The following TP73 variants were observed in gnomAD, a reference collection of about 807,000 sequenced individuals.
TP73 encodes the protein p53-like transcription factor.
Under a neutral mutation model 62.5 loss-of-function variants are expected in TP73, and 25 were observed. The ratio of observed to expected loss-of-function variants is 0.40; its 90% confidence interval spans 0.29 to 0.56. The LOEUF (loss-of-function observed/expected upper bound fraction) is 0.56. TP73 is among the 20% of genes least tolerant of loss of function. TP73 has a pLI of 0.46. For synonymous variants in TP73, 423 were observed against 377.5 expected (o/e 1.12, Z -1.40); for missense variants, 754 against 913.3 (o/e 0.83, Z 2.25).
chr1:3,721,795 A>G (rs549468455), intron 4 of TP73, among the ~76,000 whole-genome samples: 2 of 152,150 alleles, frequency 1.3e-5, no homozygotes, highest in Non-Finnish European at 2.9e-5. Context: ...TGGAGCCCAA[A>G]TGACCCGATG....
chr1:3,681,216 G>A (rs913781179), intron 1 of TP73, among the ~76,000 whole-genome samples: 4 of 152,214 alleles, frequency 2.6e-5, no homozygotes, highest in East Asian at 1.9e-4. Context: ...CTGCACCCCC[G>A]CTGGCCGTGG....
rs771141710 is a variant in TP73, at chr1:3,731,030, G to C, written c.1449G>C (p.Pro483=). 1.9e-6 allele frequency: 3 copies of C among 1,612,260 alleles called. No individual in the cohort carries two copies. The highest frequency in any genetic ancestry group is 1.7e-5 in the Admixed American group (1 of 59,978). Residue 483 remains proline, a synonymous_variant, in exon 12 of 14, where the codon CCG becomes CCC. Coordinates refer to ENST00000378295, the MANE Select transcript of TP73 (RefSeq NM_005427.4). ...TGGTCTCGGGGTCCCACTGCACTCC[G>C]CCACCCCCCTACCACGCCGACCCCA... is the stretch of plus-strand genomic sequence containing the variant. ...QSMVSGSHCT[P]PPPYHADPSL... is the part of the protein sequence containing the mutation.
Position 3,707,594 on chromosome 1 carries a change from C to A in TP73, c.232C>A (p.Arg78Ser). ...CAGCACCATGGACCAGATGAGCAGC[C>A]GCGCGGCCTCGGCCAGCCCCTACAC... Reference protein sequence around the residue: ...LSSTMDQMSSRAASASPYTPE... With the variant: ...LSSTMDQMSSSAASASPYTPE... The change falls in exon 4 of 14, where the codon CGC (arginine) becomes AGC (serine). Residue 78 changes from arginine (R) to serine (S), a missense_variant. Arg to Ser is a moderately radical substitution (Grantham distance 110). Coordinates refer to ENST00000378295, the MANE Select transcript of TP73 (RefSeq NM_005427.4). The A allele has an allele frequency of 1.2e-6, 2 of 1,612,460 alleles. No homozygotes were observed. Among genetic ancestry groups the A allele is most frequent in the Non-Finnish European group, 8.5e-7 (1 of 1,179,704 alleles).
intron 10 of TP73, chr1:3,729,715 G>A: frequency 1.3e-6 from 1 of 779,156 alleles, no homozygotes; most frequent in Non-Finnish European, 2.2e-6. Flanking sequence ...AAGGCCAGGA[G>A]GGGTGGCCAG....
At chr1:3,707,417 A>G in intron 3 of TP73, 132 bp from the exon 4 acceptor site, 1 of 1,286,080 alleles carries the variant, frequency 7.8e-7, no homozygotes, top group Admixed American at 2.2e-5. Flanking sequence ...GATGGGGGAG[A>G]GACCCGGGGA....
rs3835399 is a variant in TP73, at chr1:3,715,466, TCAGA to T, written c.430-6551_430-6548del. ...AGGGCTGGGAGATGGAGCTTGGGGG[TCAGA>T]CAGCTATGGTCTGGGTGCTGGTCCA... On this transcript the variant is annotated intron_variant, in intron 4 of 13. Transcript: ENST00000378295. Among the ~76,000 whole-genome samples, 1,108 of 152,048 alleles carry T rather than the reference TCAGA, an allele frequency of 7.3e-3. 84 individuals are homozygous for T. In the East Asian group the frequency reaches 0.17, roughly 23 times the overall value.
At chr1:3,693,413 G>T (rs968699441) in intron 3 of TP73, among the ~76,000 whole-genome samples, 3 of 152,144 alleles carry the variant, frequency 2.0e-5, no homozygotes, top group Non-Finnish European at 4.4e-5. Context: ...CCCCTGGGTT[G>T]CAGGACACTG....
intron 3 of TP73, 91 bp downstream of exon 3, chr1:3,683,271 A>T: frequency 6.8e-7 from 1 of 1,468,070 alleles, no homozygotes; most frequent in Non-Finnish European, 9.2e-7. Context: ...GAACCAGGAG[A>T]TAGCCTCTTG....
At chr1:3,680,677 G>A (rs1182551765) in intron 1 of TP73, among the ~76,000 whole-genome samples, 1 of 152,200 alleles carries the variant, frequency 6.6e-6, no homozygotes. Context: ...ATGGGCAAGG[G>A]CGGGTTCTGC....
In TP73 at chr1:3,672,544, C is replaced by T. The variant is rs1227613006; in HGVS notation, c.-33-9789C>T. Among the ~76,000 whole-genome samples, 1 of 152,094 alleles carries T rather than the reference C, an allele frequency of 6.6e-6. No individual in the cohort carries two copies. The highest frequency in any genetic ancestry group is 1.5e-5 in the Non-Finnish European group (1 of 67,994). ...CATCACCTGTGAACACAGGTATCGA[C>T]TCAGACACCCACTCTGGCCATAAGC... On this transcript the variant is annotated intron_variant, in intron 1 of 13. Coordinates refer to ENST00000378295, the MANE Select transcript of TP73 (RefSeq NM_005427.4). This position sits in a 1 kb window ranked among gnomAD's most constrained non-coding sequence, Gnocchi z 5.3.
At chr1:3,665,258 G>A (rs1356907190) in intron 1 of TP73, among the ~76,000 whole-genome samples, 1 of 152,152 alleles carries the variant, frequency 6.6e-6, no homozygotes, top group African/African-American at 2.4e-5. Context: ...TAATTATTTG[G>A]CAGTAATGAG....
At chr1:3,692,185 A>G (rs566013212) in intron 3 of TP73, among the ~76,000 whole-genome samples, 1 of 152,148 alleles carries the variant, frequency 6.6e-6, no homozygotes, top group East Asian at 1.9e-4. Context: ...GTAGGTGCTC[A>G]CGTGTGTCCG....
At chr1:3,693,062 T>C (rs954330616) in intron 3 of TP73, among the ~76,000 whole-genome samples, 5 of 151,988 alleles carry the variant, frequency 3.3e-5, no homozygotes, top group African/African-American at 1.2e-4. Flanking sequence ...TTTTGTGTGT[T>C]AGGCTGAGTG....
At chr1:3,671,825 C>G (rs1047126925) in intron 1 of TP73, among the ~76,000 whole-genome samples, 4 of 152,168 alleles carry the variant, frequency 2.6e-5, no homozygotes, top group African/African-American at 7.2e-5. Context: ...GCAGTGGCTG[C>G]CTCTGGAAGG....
chr1:3,667,326 T>C (rs918204522), intron 1 of TP73, among the ~76,000 whole-genome samples: 1 of 152,234 alleles, frequency 6.6e-6, no homozygotes, highest in African/African-American at 2.4e-5. Flanking sequence ...GACTCTGACC[T>C]ACAGAACTGT....
At chr1:3,681,910 C>T (rs1427335066) in intron 1 of TP73, among the ~76,000 whole-genome samples, 1 of 109,368 alleles carries the variant, frequency 9.1e-6, no homozygotes, top group Non-Finnish European at 2.2e-5. Context: ...CCAGGCCAAA[C>T]CTAGACACAG....
rs948048705 is a variant in TP73, at chr1:3,729,273, C to T, written c.1075-54C>T. 3 of 1,608,960 alleles carry T rather than the reference C, an allele frequency of 1.9e-6. No homozygotes were observed. In the Admixed American group the frequency reaches 5.0e-5, roughly 27 times the overall value. On this transcript the variant is annotated intron_variant, in intron 9 of 13. Coordinates refer to ENST00000378295, the MANE Select transcript of TP73 (RefSeq NM_005427.4). Reference sequence around the variant, plus strand: ...GGTCCTCCTGAGGCTGCGGCCACCCCCCTCCCGTGGGGGTCTGGGGCACGT... The same window carrying T: ...GGTCCTCCTGAGGCTGCGGCCACCCTCCTCCCGTGGGGGTCTGGGGCACGT...
chr1:3,720,580 C>T (rs139040262), intron 4 of TP73, among the ~76,000 whole-genome samples: 292 of 152,394 alleles, frequency 1.9e-3, no homozygotes, highest in African/African-American at 6.9e-3. Flanking sequence ...TCCCACTGCA[C>T]AGGAACAAGG....
At chr1:3,727,430 G>C in intron 7 of TP73, 198 bp from the exon 8 acceptor site, 2 of 959,644 alleles carry the variant, frequency 2.1e-6, no homozygotes, top group Non-Finnish European at 3.0e-6. Flanking sequence ...GGGAGTCCCC[G>C]GCGAGGTCTC....
Sources: gnomAD v4.1 joint callset for allele counts (sites outside exome capture counted in the v4.1 genomes callset) on GRCh38, gnomAD v4.1.1 for gene constraint, Gnocchi (gnomAD v3.1) non-coding constraint, MANE v1.5 for transcripts, NCBI Gene and HGNC (gene_info 2026-07-23, HGNC 2026-07-21) for gene names.